Variants in CAMTA1 observed in about 807,000 individuals in gnomAD.
The protein encoded by CAMTA1 is calmodulin-binding transcription activator 1.
In CAMTA1, 27 loss-of-function variants were observed where a neutral mutation model predicts 170.9. The ratio of observed to expected loss-of-function variants is 0.16; its 90% confidence interval spans 0.12 to 0.22. The LOEUF (loss-of-function observed/expected upper bound fraction) is 0.22, where lower values mean the gene tolerates loss of function less well. CAMTA1 is among the 10% of genes least tolerant of loss of function. The pLI is 1.00. For missense variants in CAMTA1, 1,619 were observed against 2,217.2 expected (o/e 0.73, Z 5.42); for synonymous variants, 833 against 891.5 (o/e 0.93, Z 1.17).
At position 7,081,478 on chromosome 1, in the gene CAMTA1, C is replaced by T. The variant is rs370218858; in HGVS notation, c.235-9826C>T. Among the ~76,000 whole-genome samples the T allele has an allele frequency of 8.5e-5, 13 of 152,364 alleles. No individual in the cohort carries two copies. In the East Asian group the frequency reaches 2.5e-3, roughly 29 times the overall value. ...GTTGGGGCAGTCTTGGATCTGGCTT[C>T]ATCAGTACATGTCACTGTATTAAGG... On this transcript the variant is annotated intron_variant, in intron 3 of 22. Transcript: ENST00000303635.
intron 4 of CAMTA1, among the ~76,000 whole-genome samples, chr1:7,235,041 G>C (rs56099602): frequency 0.038 from 5,845 of 151,872 alleles, 307 homozygotes; most frequent in African/African-American, 0.12. Context: ...CCTGCCTCAG[G>C]CTCCCAAAGT....
At position 6,968,271 on chromosome 1, in the gene CAMTA1, C is replaced by T. The variant is rs576971462; in HGVS notation, c.235-123033C>T. 3.9e-5 allele frequency among the ~76,000 whole-genome samples: 6 copies of T among 152,316 alleles called. No homozygotes were observed. The South Asian group carries it at 1.0e-3, about 26-fold the overall frequency. ...CTCCCAGAGAGAGCAAGGCATGTAT[C>T]GTGGCTTGCCCTCCGCTCTTTCTGT... On this transcript the variant is annotated intron_variant, in intron 3 of 22. Transcript: ENST00000303635.
At chr1:6,961,754 C>T (rs1446030185) in intron 3 of CAMTA1, among the ~76,000 whole-genome samples, 1 of 152,218 alleles carries the variant, frequency 6.6e-6, no homozygotes, top group Non-Finnish European at 1.5e-5. Context: ...TACCGCAGGA[C>T]CAGCCCAGCT....
intron 3 of CAMTA1, among the ~76,000 whole-genome samples, chr1:6,883,179 C>T (rs1024622091): frequency 1.3e-5 from 2 of 152,178 alleles, no homozygotes; most frequent in Non-Finnish European, 2.9e-5. Flanking sequence ...CAGGTGTGAG[C>T]CACCGCGCCC....
At position 6,788,925 on chromosome 1, in the gene CAMTA1, T is replaced by C. The variant is rs557163508; in HGVS notation, c.45+3350T>C. 3.2e-4 allele frequency among the ~76,000 whole-genome samples: 48 copies of C among 152,332 alleles called. 1 individual carries two copies. In the South Asian group the frequency reaches 9.5e-3, roughly 30 times the overall value. On this transcript the variant is annotated intron_variant, in intron 1 of 22. Coordinates refer to ENST00000303635, the MANE Select transcript of CAMTA1 (RefSeq NM_015215.4). ...TGTAGTGCAGAATGCTCTGTTGCAG[T>C]TGGGCAGACTAGACGGGTTCTCTGA...
chr1:7,754,944 A>C (rs1232956585), intron 21 of CAMTA1, among the ~76,000 whole-genome samples: 1 of 152,132 alleles, frequency 6.6e-6, no homozygotes, highest in African/African-American at 2.4e-5. Context: ...GTGTAATCCT[A>C]TTTTCATTCT....
At chr1:7,753,048 A>C (rs192588104) in intron 21 of CAMTA1, among the ~76,000 whole-genome samples, 11 of 152,272 alleles carry the variant, frequency 7.2e-5, no homozygotes, top group Non-Finnish European at 1.5e-4. Flanking sequence ...TTAAACTATC[A>C]ATTAAAGCCG....
chr1:7,639,407 T>C (rs1406612415), intron 6 of CAMTA1, among the ~76,000 whole-genome samples: 3 of 152,026 alleles, frequency 2.0e-5, no homozygotes, highest in Non-Finnish European at 4.4e-5. Context: ...CTGGATGGGG[T>C]GACAGAAGAG....
intron 6 of CAMTA1, among the ~76,000 whole-genome samples, chr1:7,502,503 G>A (rs1001021053): frequency 3.3e-5 from 5 of 152,306 alleles, no homozygotes; most frequent in Non-Finnish European, 7.3e-5. Context: ...GCTCAGCCAC[G>A]TTCTGCAAGT....
chr1:7,646,503 G>A (rs34355139), intron 7 of CAMTA1, among the ~76,000 whole-genome samples: 27,097 of 140,280 alleles, frequency 0.19, 4,476 homozygotes, highest in African/African-American at 0.46. Flanking sequence ...GTGAGGGTGA[G>A]GGCCCTGGTG....
In CAMTA1 at chr1:7,523,081, G is replaced by A. The variant is rs550152335; in HGVS notation, c.510+55180G>A. On this transcript the variant is annotated intron_variant, in intron 6 of 22. Coordinates refer to ENST00000303635, the MANE Select transcript of CAMTA1 (RefSeq NM_015215.4). ...GGGGTTTCACCATGTTGGCCAGGCT[G>A]GTCTCAAACTCCTGACCTCAGGTAA... is the stretch of plus-strand genomic sequence containing the variant. 3.2e-3 allele frequency among the ~76,000 whole-genome samples: 480 copies of A among 152,328 alleles called. 6 individuals carry two copies. Among genetic ancestry groups the A allele is most frequent in the Non-Finnish European group, 5.6e-3 (380 of 68,036 alleles).
At chr1:7,598,747 G>A (rs1043172025) in intron 6 of CAMTA1, among the ~76,000 whole-genome samples, 9 of 152,196 alleles carry the variant, frequency 5.9e-5, no homozygotes, top group East Asian at 1.9e-4. Flanking sequence ...CTTTTGAGAA[G>A]TGTCTGTTCA....
chr1:7,546,158 G>A (rs184795287), intron 6 of CAMTA1, among the ~76,000 whole-genome samples: 15 of 152,038 alleles, frequency 9.9e-5, no homozygotes, highest in East Asian at 5.8e-4. Flanking sequence ...GGGTTTCACC[G>A]TGTTAGCCAG....
At position 7,547,724 on chromosome 1, in the gene CAMTA1, A is replaced by C. The variant is rs2094717178; in HGVS notation, c.510+79823A>C. ...CAATTTTTTTTTTTTTTAGCTCATC[A>C]GCTACCGTTAGTGTTAGTATATTTA... On this transcript the variant is annotated intron_variant, in intron 6 of 22. Coordinates refer to ENST00000303635, the MANE Select transcript of CAMTA1 (RefSeq NM_015215.4). This position sits in a 1 kb window ranked among gnomAD's most constrained non-coding sequence, Gnocchi z 5.7. 6.6e-6 allele frequency among the ~76,000 whole-genome samples: 1 copy of C among 151,198 alleles called. No homozygotes were observed. Among genetic ancestry groups the C allele is most frequent in the African/African-American group, 2.4e-5 (1 of 40,986 alleles).
At chr1:7,182,463 C>T (rs990785744) in intron 4 of CAMTA1, among the ~76,000 whole-genome samples, 15 of 150,232 alleles carry the variant, frequency 1.0e-4, no homozygotes, top group Middle Eastern at 3.4e-3. Context: ...CACTGTACTC[C>T]GGCCTGGGTG....
At chr1:7,290,835 A>G (rs1395637176) in intron 5 of CAMTA1, among the ~76,000 whole-genome samples, 1 of 152,044 alleles carries the variant, frequency 6.6e-6, no homozygotes, top group Non-Finnish European at 1.5e-5. Flanking sequence ...TATTCCATCG[A>G]TACTTTTACC....
intron 12 of CAMTA1, among the ~76,000 whole-genome samples, chr1:7,733,782 T>C (rs1366955806): frequency 6.6e-6 from 1 of 152,152 alleles, no homozygotes; most frequent in Non-Finnish European, 1.5e-5. Context: ...CTCATAAATA[T>C]CAAGTTTAGT....
intron 1 of CAMTA1, among the ~76,000 whole-genome samples, chr1:6,802,850 T>G (rs1644040667): frequency 6.6e-6 from 1 of 152,028 alleles, no homozygotes; most frequent in Non-Finnish European, 1.5e-5. Context: ...TCCTCCCACC[T>G]CAGCCCCCCA....
intron 6 of CAMTA1, among the ~76,000 whole-genome samples, chr1:7,520,385 G>A (rs552235124): frequency 9.3e-4 from 138 of 147,806 alleles, no homozygotes; most frequent in Non-Finnish European, 1.6e-3. Flanking sequence ...GTGGACAGGC[G>A]CTGGGTTACG....
Sources: gnomAD v4.1 joint callset for allele counts (sites outside exome capture counted in the v4.1 genomes callset) on GRCh38, gnomAD v4.1.1 for gene constraint, Gnocchi (gnomAD v3.1) non-coding constraint, MANE v1.5 for transcripts, NCBI Gene and HGNC (gene_info 2026-07-23, HGNC 2026-07-21) for gene names.